The following TRMT9B variants were observed in gnomAD, a reference collection of about 807,000 sequenced individuals.
TRMT9B encodes probable tRNA methyltransferase 9B.
In TRMT9B, 16 loss-of-function variants were observed where a neutral mutation model predicts 11.5. The observed-to-expected ratio is 1.39, with a 90% CI of 0.94 to 2.11. The LOEUF is 2.11. Among genes scored for constraint, TRMT9B ranks in the 30% most tolerant of loss-of-function variants. TRMT9B has a pLI of 0.00. For synonymous variants in TRMT9B, 274 were observed against 192.4 expected, an observed-to-expected ratio of 1.42 and a Z score of -3.51; for missense variants, 941 against 553.8, an observed-to-expected ratio of 1.70 and a Z score of -7.02.
chr8:12,966,283 G>A (rs770860416), intron 1 of TRMT9B, among the ~76,000 whole-genome samples: 1 of 152,148 alleles, frequency 6.6e-6, no homozygotes, highest in Non-Finnish European at 1.5e-5. Context: ...TGTGCTCAGG[G>A]TGTGGGCGGG....
Position 12,968,620 on chromosome 8 carries a change from C to G in TRMT9B, c.-199-22214C>G, listed in dbSNP as rs569212657. 1.2e-3 allele frequency among the ~76,000 whole-genome samples: 186 copies of G among 152,234 alleles called. 3 individuals carry two copies. The highest frequency in any genetic ancestry group is 4.0e-4 in the Non-Finnish European group (27 of 68,008). On this transcript the variant is annotated intron_variant, in intron 1 of 4. Coordinates refer to ENST00000524591, the MANE Select transcript of TRMT9B (RefSeq NM_020844.3). Reference sequence around the variant, plus strand: ...AGCTGTGAGCCGATAGCCACGTGGACTCCAGGTTCAACTCCCTACTCTGGG... The same window carrying G: ...AGCTGTGAGCCGATAGCCACGTGGAGTCCAGGTTCAACTCCCTACTCTGGG...
chr8:12,958,456 G>C (rs1356661025), intron 1 of TRMT9B: 1 of 152,304 alleles, frequency 6.6e-6, no homozygotes, highest in African/African-American at 2.4e-5. Flanking sequence ...TACTGCATCA[G>C]ATTGGTGCCC....
intron 1 of TRMT9B, among the ~76,000 whole-genome samples, chr8:12,981,562 G>T (rs1805392259): frequency 6.6e-6 from 1 of 151,764 alleles, no homozygotes; most frequent in Admixed American, 6.6e-5. Context: ...TTCCAGTATT[G>T]GTTTATTTTT....
chr8:13,021,068 T>C lies in TRMT9B; in HGVS notation c.389T>C (p.Val130Ala), dbSNP rs757530040. The C allele has an allele frequency of 8.8e-6, 14 of 1,599,804 alleles. No individual in the cohort carries two copies. In the Admixed American group the frequency reaches 1.6e-4, roughly 18 times the overall value. Residue 130 changes from valine (V) to alanine (A), a missense_variant, in exon 5 of 5, where the codon GTC (valine) becomes GCC (alanine). Physicochemically the swap from Val to Ala is moderately conservative, Grantham distance 64 (BLOSUM62 0). Transcript: ENST00000524591. ...AGAGCAATAAAAGAAATGGCCAGGG[T>C]CTTAGTTCCCGGAGGCCAACTGATG... The part of the protein sequence containing the change: ...RIRAIKEMAR[V>A]LVPGGQLMIY...
chr8:12,977,304 G>T (rs1804610739), intron 1 of TRMT9B, among the ~76,000 whole-genome samples: 1 of 152,202 alleles, frequency 6.6e-6, no homozygotes, highest in African/African-American at 2.4e-5. Context: ...AGAGGAATGT[G>T]TTACTGTGCA....
intron 1 of TRMT9B, among the ~76,000 whole-genome samples, chr8:12,971,610 C>T (rs990856884): frequency 6.6e-6 from 1 of 151,994 alleles, no homozygotes; most frequent in Non-Finnish European, 1.5e-5. Context: ...GGATAACTTG[C>T]CCTAATCTGC....
intron 4 of TRMT9B, among the ~76,000 whole-genome samples, chr8:13,013,577 G>T (rs1812065849): frequency 6.6e-6 from 1 of 151,702 alleles, no homozygotes; most frequent in Non-Finnish European, 1.5e-5. Context: ...GGAATCCTAT[G>T]ACAAGGTTTT....
intron 2 of TRMT9B, among the ~76,000 whole-genome samples, chr8:12,996,178 T>C (rs780746174): frequency 6.6e-6 from 1 of 152,226 alleles, no homozygotes; most frequent in Admixed American, 6.5e-5. Flanking sequence ...GTTGTGCTAC[T>C]TGGAAGCTGT....
In TRMT9B at chr8:13,012,783, G is replaced by T. The variant is rs369928661; in HGVS notation, c.254G>T (p.Cys85Phe). Residue 85 changes from cysteine to phenylalanine, a missense_variant, in exon 4 of 5, where the codon TGT becomes TTT. Coordinates refer to ENST00000524591, the MANE Select transcript of TRMT9B (RefSeq NM_020844.3). The part of the protein sequence containing the change: ...PLVEIARNRG[C>F]EAMVCDNLNL... ...GTAGAGATTGCCCGGAATAGAGGAT[G>T]TGAAGCCATGGTATGTGACAACCTT... 1.9e-6 allele frequency: 3 copies of T among 1,613,966 alleles called. No individual in the cohort carries two copies. The East Asian group carries it at 6.7e-5, about 36-fold the overall frequency.
chr8:13,007,886 A>G (rs1165462508), intron 3 of TRMT9B, among the ~76,000 whole-genome samples: 3 of 152,216 alleles, frequency 2.0e-5, no homozygotes, highest in Admixed American at 6.5e-5. Flanking sequence ...AAATGACTAG[A>G]TTGTTATTTA....
chr8:12,977,560 G>A (rs1251843677), intron 1 of TRMT9B, among the ~76,000 whole-genome samples: 2 of 152,078 alleles, frequency 1.3e-5, no homozygotes, highest in East Asian at 3.9e-4. Context: ...AATTAGCTGG[G>A]CGTGGTGGCA....
intron 2 of TRMT9B, among the ~76,000 whole-genome samples, chr8:12,994,812 C>T (rs1808042985): frequency 6.6e-6 from 1 of 152,032 alleles, no homozygotes; most frequent in Non-Finnish European, 1.5e-5. Flanking sequence ...CTCCTGAGTA[C>T]CTAGGATTAT....
At chr8:13,012,465 C>G (rs1284955526) in intron 3 of TRMT9B, 1 of 540,678 alleles carries the variant, frequency 1.8e-6, no homozygotes, top group Non-Finnish European at 2.7e-6. Context: ...ATCCCACCTA[C>G]TCGGGAGGCT....
intron 2 of TRMT9B, among the ~76,000 whole-genome samples, chr8:12,993,170 G>T (rs1474109776): frequency 6.6e-6 from 1 of 152,218 alleles, no homozygotes; most frequent in Non-Finnish European, 1.5e-5. Context: ...ACTGGACCAG[G>T]TCAGGGAGGG....
chr8:12,986,262 A>G (rs1206563310), intron 1 of TRMT9B, among the ~76,000 whole-genome samples: 1 of 151,488 alleles, frequency 6.6e-6, no homozygotes, highest in Non-Finnish European at 1.5e-5. Context: ...TAAAACCTAC[A>G]CCTCCTGTCG....
At position 13,024,211 on chromosome 8, in the gene TRMT9B, TTTTTTGTA is replaced by T. The variant is rs1467819611; in HGVS notation, c.*2173_*2180del. The T allele has an allele frequency of 6.5e-6, 1 of 153,428 alleles. No homozygotes were observed. Among genetic ancestry groups the T allele is most frequent in the East Asian group, 1.9e-4 (1 of 5,158 alleles). The allele number at this position is 153,428 out of a possible 1,614,324, so 9.5% of individuals were successfully genotyped here. ...GGCACCCACCACGACGCCCGGCTGTTTTTTTGTATTTTTAGGAGAGACGGGGTTTCACC... is the reference window on the plus strand; with the variant it reads ...GGCACCCACCACGACGCCCGGCTGTTTTTTTAGGAGAGACGGGGTTTCACC... On this transcript the variant is annotated 3_prime_UTR_variant, in exon 5 of 5. Coordinates refer to ENST00000524591, the MANE Select transcript of TRMT9B (RefSeq NM_020844.3).
intron 1 of TRMT9B, among the ~76,000 whole-genome samples, chr8:12,953,725 G>A (rs1188971530): frequency 6.6e-6 from 1 of 152,190 alleles, no homozygotes; most frequent in African/African-American, 2.4e-5. Context: ...ACTGTCCAGT[G>A]TTGTGAGTGG....
intron 4 of TRMT9B, among the ~76,000 whole-genome samples, chr8:13,016,993 G>A (rs757332375): frequency 7.9e-5 from 12 of 151,354 alleles, no homozygotes; most frequent in Non-Finnish European, 1.6e-4. Context: ...GCATAGTAGT[G>A]CATGCCTGTA....
intron 1 of TRMT9B, among the ~76,000 whole-genome samples, chr8:12,978,493 G>A (rs1804802766): frequency 2.0e-5 from 2 of 102,360 alleles, no homozygotes; most frequent in Non-Finnish European, 4.0e-5. Flanking sequence ...ACCCGCGACA[G>A]AGAGATAGAC....
Sources: allele counts gnomAD v4.1 joint callset (sites outside exome capture counted in the v4.1 genomes callset), GRCh38; gene constraint gnomAD v4.1.1; transcripts MANE v1.5; gene names NCBI Gene and HGNC (gene_info 2026-07-23, HGNC 2026-07-21).